CSMD1: variants seen among roughly 807,000 people sequenced by gnomAD.
The protein encoded by CSMD1 is CUB and sushi domain-containing protein 1.
Under a neutral mutation model 417.5 loss-of-function variants are expected in CSMD1, and 213 were observed. That is an observed-to-expected ratio of 0.51 (90% CI 0.46 to 0.57). The LOEUF is 0.57. Among genes scored for constraint, CSMD1 ranks in the 20% least tolerant of loss-of-function variants. The pLI, the probability that CSMD1 is intolerant of heterozygous loss-of-function variation, is 0.00. For synonymous variants in CSMD1, 2,862 were observed against 1,736.8 expected (o/e 1.65, Z -16.11); for missense variants, 6,923 against 4,529.7 (o/e 1.53, Z -15.17).
chr8:3,511,970 A>G (rs1321562234), intron 10 of CSMD1, among the ~76,000 whole-genome samples: 1 of 150,952 alleles, frequency 6.6e-6, no homozygotes, highest in Non-Finnish European at 1.5e-5. Context: ...GCAGTTTTAC[A>G]GTCACAGTGA....
chr8:3,706,806 C>T (rs903620360), intron 7 of CSMD1, among the ~76,000 whole-genome samples: 2 of 152,158 alleles, frequency 1.3e-5, no homozygotes, highest in Admixed American at 1.3e-4. Flanking sequence ...CTCTACAGAA[C>T]ATTCTATACT....
At chr8:4,986,481 A>G (rs1811184670) in intron 1 of CSMD1, among the ~76,000 whole-genome samples, 1 of 152,234 alleles carries the variant, frequency 6.6e-6, no homozygotes, top group African/African-American at 2.4e-5. Flanking sequence ...ATTTATAATT[A>G]ATTTCAAAGG....
At chr8:4,037,770 A>C (rs1797694361) in intron 3 of CSMD1, among the ~76,000 whole-genome samples, 1 of 152,290 alleles carries the variant, frequency 6.6e-6, no homozygotes. Flanking sequence ...AGCCGTTAAT[A>C]GTTCTGAGGG....
At chr8:4,165,720 A>G (rs1584943015) in intron 3 of CSMD1, among the ~76,000 whole-genome samples, 1 of 152,144 alleles carries the variant, frequency 6.6e-6, no homozygotes, top group South Asian at 2.1e-4. Flanking sequence ...CATTTTTATT[A>G]CAAGTTTAAT....
intron 1 of CSMD1, among the ~76,000 whole-genome samples, chr8:4,964,182 G>A (rs1425998745): frequency 6.6e-6 from 1 of 151,948 alleles, no homozygotes; most frequent in Non-Finnish European, 1.5e-5. Flanking sequence ...AAGAGAAAAG[G>A]GAAATACATT....
intron 26 of CSMD1, among the ~76,000 whole-genome samples, chr8:3,255,288 T>G (rs565867544): frequency 8.0e-4 from 121 of 152,200 alleles, no homozygotes; most frequent in African/African-American, 2.7e-3. Context: ...TACTGGGGGA[T>G]GCATCCCAGT....
intron 7 of CSMD1, among the ~76,000 whole-genome samples, chr8:3,623,374 G>A (rs897670944): frequency 6.6e-6 from 1 of 152,104 alleles, no homozygotes; most frequent in African/African-American, 2.4e-5. Context: ...GCAAACTATA[G>A]AAGTAGATCA....
intron 12 of CSMD1, among the ~76,000 whole-genome samples, chr8:3,423,759 G>A (rs1331969094): frequency 1.3e-5 from 2 of 152,154 alleles, no homozygotes; most frequent in African/African-American, 2.4e-5. Flanking sequence ...CTTAGGGGTG[G>A]AATTGTTGGA....
At chr8:4,669,028 A>C (rs1468995311) in intron 1 of CSMD1, among the ~76,000 whole-genome samples, 3 of 152,086 alleles carry the variant, frequency 2.0e-5, no homozygotes, top group African/African-American at 7.2e-5. Context: ...TTCCTTTGAA[A>C]TATTACTTTC....
chr8:3,483,330 AGAT>A (rs1419482158), intron 11 of CSMD1, among the ~76,000 whole-genome samples: 2 of 152,088 alleles, frequency 1.3e-5, no homozygotes, highest in Non-Finnish European at 2.9e-5. Flanking sequence ...GCCATCACAA[AGAT>A]AATAAGGAAA....
At chr8:4,825,084 G>A (rs932626594) in intron 1 of CSMD1, among the ~76,000 whole-genome samples, 5 of 152,116 alleles carry the variant, frequency 3.3e-5, no homozygotes, top group Middle Eastern at 3.4e-3. Context: ...TTTAAATACT[G>A]CATACATTTA....
intron 10 of CSMD1, among the ~76,000 whole-genome samples, chr8:3,561,134 C>G (rs1163409287): frequency 6.6e-6 from 1 of 152,162 alleles, no homozygotes; most frequent in East Asian, 1.9e-4. Flanking sequence ...ATTAAAATGT[C>G]AAACAATAAC....
chr8:3,551,703 G>A (rs933705481), intron 10 of CSMD1, among the ~76,000 whole-genome samples: 1 of 150,296 alleles, frequency 6.7e-6, no homozygotes, highest in Non-Finnish European at 1.5e-5. Context: ...CATGACTGAT[G>A]ATGAGAAATA....
At chr8:4,660,453 T>C (rs570188653) in intron 1 of CSMD1, among the ~76,000 whole-genome samples, 3 of 152,134 alleles carry the variant, frequency 2.0e-5, no homozygotes, top group Middle Eastern at 3.4e-3. Context: ...GATCCCAAAA[T>C]TGACACACAG....
At chr8:4,252,214 T>G (rs1427026433) in intron 3 of CSMD1, among the ~76,000 whole-genome samples, 2 of 152,094 alleles carry the variant, frequency 1.3e-5, no homozygotes, top group African/African-American at 4.8e-5. Flanking sequence ...AAGACAAAGG[T>G]AAACAGGCAT....
At chr8:4,610,988 G>A (rs1161292637) in intron 2 of CSMD1, among the ~76,000 whole-genome samples, 1 of 151,994 alleles carries the variant, frequency 6.6e-6, no homozygotes, top group Non-Finnish European at 1.5e-5. Context: ...TCCTTTCCTT[G>A]GAAAATAGCA....
At chr8:4,151,211 G>A (rs1796554901) in intron 3 of CSMD1, among the ~76,000 whole-genome samples, 1 of 152,108 alleles carries the variant, frequency 6.6e-6, no homozygotes, top group Non-Finnish European at 1.5e-5. Context: ...ACCTCTTCTT[G>A]TAATATCAAG....
rs542506925 is a variant in CSMD1, at chr8:4,323,408, C to G, written c.415+96545G>C. Among the ~76,000 whole-genome samples the G allele has an allele frequency of 6.6e-5, 10 of 152,264 alleles. No homozygotes were observed. In the South Asian group the frequency reaches 2.1e-3, roughly 32 times the overall value. On this transcript the variant is annotated intron_variant, in intron 3 of 69. Coordinates refer to ENST00000635120, the MANE Select transcript of CSMD1 (RefSeq NM_033225.6). ...GCCTTCCTAATTTCACAGCCTTGTTCCATGTCTTCTTCACAGGTCACCCCA... is the reference window on the plus strand; with the variant it reads ...GCCTTCCTAATTTCACAGCCTTGTTGCATGTCTTCTTCACAGGTCACCCCA...
chr8:3,233,348 A>G (rs1279490207), intron 26 of CSMD1, among the ~76,000 whole-genome samples: 4 of 152,334 alleles, frequency 2.6e-5, no homozygotes, highest in African/African-American at 9.6e-5. Context: ...TCGCCAGGCG[A>G]TGCCTGCACA....
Sources: gnomAD v4.1 joint callset for allele counts (sites outside exome capture counted in the v4.1 genomes callset) on GRCh38, gnomAD v4.1.1 for gene constraint, MANE v1.5 for transcripts, NCBI Gene and HGNC (gene_info 2026-07-23, HGNC 2026-07-21) for gene names.